CNBD1: variants seen among roughly 807,000 people sequenced by gnomAD.
CNBD1 encodes the protein cyclic nucleotide-binding domain-containing protein 1.
CNBD1 carries 71 observed loss-of-function variants against 54.4 expected under a neutral mutation model. The observed-to-expected ratio is 1.30, with a 90% confidence interval of 1.08 to 1.59. The LOEUF is 1.59. Among genes scored for constraint, CNBD1 ranks in the 40% most tolerant of loss-of-function variants. CNBD1 has a pLI of 0.00. For synonymous variants in CNBD1, 182 were observed against 170.7 expected, an observed-to-expected ratio of 1.07 and a Z score of -0.51; for missense variants, 659 against 518.0, an observed-to-expected ratio of 1.27 and a Z score of -2.64.
At chr8:86,950,740 T>C (rs1432704867) in intron 4 of CNBD1, among the ~76,000 whole-genome samples, 3 of 152,192 alleles carry the variant, frequency 2.0e-5, no homozygotes, top group Admixed American at 6.5e-5. Flanking sequence ...TTTAAATGTT[T>C]GATATAATTC....
chr8:87,254,212 T>C (rs941082126), intron 6 of CNBD1, among the ~76,000 whole-genome samples: 2 of 151,960 alleles, frequency 1.3e-5, no homozygotes, highest in African/African-American at 4.8e-5. Context: ...GAGGACGAAA[T>C]CCTTGGAAAA....
intron 4 of CNBD1, among the ~76,000 whole-genome samples, chr8:87,164,655 A>G (rs934990215): frequency 4.6e-5 from 7 of 151,538 alleles, no homozygotes; most frequent in African/African-American, 1.5e-4. Context: ...TCTTTAATTT[A>G]TAATTTTATT....
chr8:86,874,995 T>C (rs1808494377), intron 1 of CNBD1, among the ~76,000 whole-genome samples: 1 of 33,190 alleles, frequency 3.0e-5, no homozygotes, highest in Non-Finnish European at 7.4e-5. Flanking sequence ...TTTATATATA[T>C]ATATATATAT....
intron 10 of CNBD1, among the ~76,000 whole-genome samples, chr8:87,381,839 G>T (rs1213582343): frequency 6.6e-6 from 1 of 151,828 alleles, no homozygotes; most frequent in Non-Finnish European, 1.5e-5. Context: ...GTTACGAGGG[G>T]TTGAGGCATG....
At chr8:87,188,307 T>C (rs757675031) in intron 4 of CNBD1, among the ~76,000 whole-genome samples, 10 of 152,240 alleles carry the variant, frequency 6.6e-5, no homozygotes, top group Non-Finnish European at 1.3e-4. Flanking sequence ...TTGTGTTTAA[T>C]GTATGACTTC....
chr8:86,924,222 T>C (rs1809321499), intron 3 of CNBD1, among the ~76,000 whole-genome samples: 1 of 152,150 alleles, frequency 6.6e-6, no homozygotes, highest in Non-Finnish European at 1.5e-5. Context: ...TCACAGGCCA[T>C]ATTTTCTGTA....
At chr8:87,409,713 C>T (rs1050506916) in intron 2 of CNBD1, among the ~76,000 whole-genome samples, 6 of 152,140 alleles carry the variant, frequency 3.9e-5, no homozygotes, top group Admixed American at 2.6e-4. Flanking sequence ...AACCCAGGGG[C>T]TTAAGAATTA....
intron 2 of CNBD1, among the ~76,000 whole-genome samples, chr8:87,405,849 C>T (rs192987720): frequency 9.9e-5 from 15 of 152,220 alleles, no homozygotes; most frequent in Admixed American, 9.2e-4. Flanking sequence ...CTGTGAGCCA[C>T]ATAAGAAATA....
chr8:86,966,031 C>T (rs906826055), intron 4 of CNBD1, among the ~76,000 whole-genome samples: 2 of 152,146 alleles, frequency 1.3e-5, no homozygotes, highest in South Asian at 4.1e-4. Flanking sequence ...CTGGCTGAGC[C>T]CAGGGCTTTT....
intron 4 of CNBD1, among the ~76,000 whole-genome samples, chr8:87,186,428 C>G (rs1813477044): frequency 6.6e-6 from 1 of 152,102 alleles, no homozygotes; most frequent in Non-Finnish European, 1.5e-5. Context: ...GAATTTACAA[C>G]CATCATTCCA....
intron 2 of CNBD1, among the ~76,000 whole-genome samples, chr8:87,421,389 G>A (rs1480735277): frequency 8.0e-5 from 12 of 150,106 alleles, no homozygotes; most frequent in Admixed American, 5.3e-4. Flanking sequence ...TCGTCATCTA[G>A]CATTAGGTAT....
intron 4 of CNBD1, among the ~76,000 whole-genome samples, chr8:87,178,739 G>A (rs1232445304): frequency 3.9e-5 from 6 of 152,178 alleles, no homozygotes; most frequent in African/African-American, 1.4e-4. Context: ...AGGATGAAAA[G>A]TGGTAATATT....
chr8:87,383,455 G>T (rs1811128441), downstream of CNBD1, among the ~76,000 whole-genome samples: 1 of 152,044 alleles, frequency 6.6e-6, no homozygotes, highest in Non-Finnish European at 1.5e-5. Context: ...AAGAACTAAG[G>T]CTTTATGCAG....
chr8:87,351,049 A>T (rs1459163008), intron 8 of CNBD1, among the ~76,000 whole-genome samples: 1 of 152,140 alleles, frequency 6.6e-6, no homozygotes, highest in Non-Finnish European at 1.5e-5. Flanking sequence ...AATACTTTAT[A>T]TGCCCCATGT....
At chr8:87,297,991 AAT>A (rs1190458627) in intron 8 of CNBD1, among the ~76,000 whole-genome samples, 1 of 151,506 alleles carries the variant, frequency 6.6e-6, no homozygotes, top group Non-Finnish European at 1.5e-5. Context: ...GATCCTTATT[AAT>A]ATAGACATTA....
At chr8:87,108,054 A>G (rs930982526) in intron 4 of CNBD1, among the ~76,000 whole-genome samples, 5 of 152,178 alleles carry the variant, frequency 3.3e-5, no homozygotes, top group Non-Finnish European at 7.3e-5. Flanking sequence ...TTAGTTTCCT[A>G]ATTGGCAGAG....
chr8:87,423,928 C>T (rs1309375098), intron 2 of CNBD1, among the ~76,000 whole-genome samples: 1 of 152,182 alleles, frequency 6.6e-6, no homozygotes, highest in Non-Finnish European at 1.5e-5. Context: ...GGTTGGTAAG[C>T]TATTGATTAT....
chr8:87,256,951 T>C (rs1301035496), intron 6 of CNBD1, among the ~76,000 whole-genome samples: 2 of 152,050 alleles, frequency 1.3e-5, no homozygotes, highest in Non-Finnish European at 2.9e-5. Flanking sequence ...GAAGGGGTTG[T>C]CCTCAGTGAA....
intron 6 of CNBD1, among the ~76,000 whole-genome samples, 163 bp from the exon 7 acceptor site, chr8:87,284,515 G>A (rs1344316025): frequency 6.6e-6 from 1 of 152,072 alleles, no homozygotes; most frequent in Non-Finnish European, 1.5e-5. Context: ...CTCTTGCCTT[G>A]GGAAGTGACA....
Sources: gnomAD v4.1 joint callset for allele counts (sites outside exome capture counted in the v4.1 genomes callset) on GRCh38, gnomAD v4.1.1 for gene constraint, MANE v1.5 for transcripts, NCBI Gene and HGNC (gene_info 2026-07-23, HGNC 2026-07-21) for gene names.